Variants in MAP3K3 observed in about 807,000 individuals in gnomAD.
MAP3K3 encodes mitogen-activated protein kinase kinase kinase 3.
MAP3K3 carries 12 observed loss-of-function variants against 80.9 expected under a neutral mutation model. The observed-to-expected ratio is 0.15, with a 90% CI of 0.10 to 0.24. MAP3K3 has a LOEUF of 0.24. Among genes scored for constraint, MAP3K3 ranks in the 10% least tolerant of loss-of-function variants. The probability of loss-of-function intolerance (pLI) is 1.00; values close to 1 mark genes in which losing one functional copy is unlikely to be tolerated. For synonymous variants in MAP3K3, 272 were observed against 307.1 expected (o/e 0.89, Z 1.19); for missense variants, 596 against 834.7 (o/e 0.71, Z 3.52).
rs970677675 is a variant in MAP3K3 at position 63,695,415 on chromosome 17, A to G, written c.*1638A>G. The G allele has an allele frequency of 6.5e-6, 1 of 152,702 alleles. No homozygotes were observed. The highest frequency in any genetic ancestry group is 1.5e-5 in the Non-Finnish European group (1 of 68,106). 9.5% of individuals were successfully genotyped at this position (152,702 alleles called of 1,614,324 possible). ...AGAAAATGAAAGCAGCTGGTTTTGC[A>G]GAAGTGTGTGTCGCATGCGCCAGTT... is the stretch of plus-strand genomic sequence containing the variant. On this transcript the variant is annotated 3_prime_UTR_variant, in exon 16 of 16. Transcript: ENST00000361733. The surrounding 1 kb of genome is among the most constrained non-coding windows in gnomAD (Gnocchi z 4.1).
intron 7 of MAP3K3, among the ~76,000 whole-genome samples, chr17:63,683,064 A>G (rs1157705181): frequency 6.6e-6 from 1 of 152,224 alleles, no homozygotes; most frequent in Non-Finnish European, 1.5e-5. Context: ...ACTTGCTTTG[A>G]TGTAAAAGAA....
intron 8 of MAP3K3, among the ~76,000 whole-genome samples, chr17:63,686,875 G>A (rs1478323690): frequency 6.6e-6 from 1 of 152,184 alleles, no homozygotes; most frequent in South Asian, 2.1e-4. Flanking sequence ...CTGGGAAAGG[G>A]CATGAGATCT....
At chr17:63,640,147 A>G (rs2034411203) in intron 2 of MAP3K3, among the ~76,000 whole-genome samples, 2 of 152,154 alleles carry the variant, frequency 1.3e-5, no homozygotes, top group African/African-American at 4.8e-5. Context: ...AGGCATGGTG[A>G]CATGCGCCTG....
chr17:63,666,797 T>G, intron 5 of MAP3K3, 143 bp from the exon 6 acceptor site: 1 of 814,070 alleles, frequency 1.2e-6, no homozygotes, highest in Non-Finnish European at 2.0e-6. Context: ...AAGAGTGAGA[T>G]TTGGGGGAAA....
At chr17:63,660,935 C>T (rs554666486) in intron 5 of MAP3K3, among the ~76,000 whole-genome samples, 1 of 151,456 alleles carries the variant, frequency 6.6e-6, no homozygotes, top group East Asian at 1.9e-4. Context: ...TTCTAATTTT[C>T]CTTCTGTCTT....
chr17:63,676,037 T>A (rs1250349560), intron 6 of MAP3K3, among the ~76,000 whole-genome samples: 1 of 152,202 alleles, frequency 6.6e-6, no homozygotes, highest in Non-Finnish European at 1.5e-5. Flanking sequence ...CCTGGAGCAG[T>A]TCTGCCAACT....
At chr17:63,678,544 G>T (rs1395799780) in intron 6 of MAP3K3, among the ~76,000 whole-genome samples, 1 of 152,188 alleles carries the variant, frequency 6.6e-6, no homozygotes, top group African/African-American at 2.4e-5. Context: ...AGGTGGGGAG[G>T]CCAGATTACT....
intron 6 of MAP3K3, among the ~76,000 whole-genome samples, chr17:63,680,128 C>A (rs1568148868): frequency 6.6e-6 from 1 of 152,240 alleles, no homozygotes; most frequent in Non-Finnish European, 1.5e-5. Context: ...CACAGAGCAT[C>A]TTGCCTGCAG....
chr17:63,669,297 C>T (rs2035057364), intron 6 of MAP3K3, among the ~76,000 whole-genome samples: 1 of 152,064 alleles, frequency 6.6e-6, no homozygotes, highest in South Asian at 2.1e-4. Flanking sequence ...GCTCGCTATT[C>T]TTCAGGTCCA....
chr17:63,629,726 A>G (rs945918930), intron 1 of MAP3K3, among the ~76,000 whole-genome samples: 1 of 152,184 alleles, frequency 6.6e-6, no homozygotes, highest in African/African-American at 2.4e-5. Context: ...AGATTCTATA[A>G]CCCTGATTCA....
intron 6 of MAP3K3, among the ~76,000 whole-genome samples, chr17:63,668,504 T>G (rs1411346466): frequency 6.6e-6 from 1 of 152,174 alleles, no homozygotes; most frequent in East Asian, 1.9e-4. Flanking sequence ...TCTGCCAGTT[T>G]GGCCTCTTTT....
chr17:63,676,662 T>A (rs916162018), intron 6 of MAP3K3, among the ~76,000 whole-genome samples: 7 of 152,174 alleles, frequency 4.6e-5, no homozygotes, highest in African/African-American at 1.7e-4. Flanking sequence ...TTGTGGATTA[T>A]GGAATCAATG....
Position 63,691,702 on chromosome 17 carries a change from G to A in MAP3K3, c.1345-31G>A. 1 of 1,605,842 alleles carries A rather than the reference G, an allele frequency of 6.2e-7. No homozygotes were observed. The highest frequency in any genetic ancestry group is 8.5e-7 in the Non-Finnish European group (1 of 1,173,980). ...TGCCCCTCCACCAGCCCTCCCCTGA[G>A]GGGACTCCTCTGACTTCTTGTGGCC... is the stretch of plus-strand genomic sequence containing the variant. On this transcript the variant is annotated intron_variant, in intron 13 of 15. Coordinates refer to ENST00000361733, the MANE Select transcript of MAP3K3 (RefSeq NM_002401.5). This position sits in a 1 kb window ranked among gnomAD's most constrained non-coding sequence, Gnocchi z 4.8.
chr17:63,677,693 C>T (rs2035246215), intron 6 of MAP3K3, among the ~76,000 whole-genome samples: 2 of 152,182 alleles, frequency 1.3e-5, no homozygotes, highest in South Asian at 4.1e-4. Flanking sequence ...GAGAAAACAA[C>T]TCTGAATTTG....
At chr17:63,667,162 A>G in intron 6 of MAP3K3, 102 bp downstream of exon 6, 7 of 1,307,738 alleles carry the variant, frequency 5.4e-6, no homozygotes, top group Non-Finnish European at 7.3e-6. Context: ...ATATTTATTA[A>G]CTATTACTCT....
chr17:63,636,168 C>G (rs1430383368), intron 2 of MAP3K3, among the ~76,000 whole-genome samples: 5 of 152,196 alleles, frequency 3.3e-5, no homozygotes, highest in Non-Finnish European at 7.3e-5. Flanking sequence ...TTTAATATCT[C>G]TGCTTAGCAA....
At chr17:63,659,317 T>C (rs2034836584) in intron 5 of MAP3K3, among the ~76,000 whole-genome samples, 1 of 152,202 alleles carries the variant, frequency 6.6e-6, no homozygotes, top group Non-Finnish European at 1.5e-5. Flanking sequence ...TTATAAATAT[T>C]TACATTTAAG....
chr17:63,633,768 G>T (rs1449250048), intron 2 of MAP3K3, among the ~76,000 whole-genome samples: 1 of 152,198 alleles, frequency 6.6e-6, no homozygotes, highest in Non-Finnish European at 1.5e-5. Context: ...TGGGTATCCA[G>T]TGCTGTGTCA....
At chr17:63,662,883 G>A (rs557510945) in intron 5 of MAP3K3, among the ~76,000 whole-genome samples, 89 of 151,648 alleles carry the variant, frequency 5.9e-4, no homozygotes, top group African/African-American at 1.8e-3. Context: ...CATGTTGGCC[G>A]GGCTGGTCTC....
Sources: allele counts gnomAD v4.1 joint callset (sites outside exome capture counted in the v4.1 genomes callset), GRCh38; gene constraint gnomAD v4.1.1; non-coding constraint Gnocchi (gnomAD v3.1); transcripts MANE v1.5; gene names NCBI Gene and HGNC (gene_info 2026-07-23, HGNC 2026-07-21).